The following TRMT44 variants were observed in gnomAD, a reference collection of about 807,000 sequenced individuals.
TRMT44 encodes tRNA methyltransferase 44 homolog, also known as probable tRNA (uracil-O(2)-)-methyltransferase.
Under a neutral mutation model 77.3 loss-of-function variants are expected in TRMT44, and 78 were observed. The ratio of observed to expected loss-of-function variants is 1.01; its 90% CI spans 0.84 to 1.22. TRMT44 has a LOEUF of 1.22. Among genes scored for constraint, TRMT44 ranks in the 50% most tolerant of loss-of-function variants. TRMT44 has a pLI of 0.00. For synonymous variants in TRMT44, 391 were observed against 383.3 expected (o/e 1.02, Z -0.23); for missense variants, 1,090 against 964.4 (o/e 1.13, Z -1.73).
At chr4:8,441,774 G>A (rs116394260) in intron 1 of TRMT44, among the ~76,000 whole-genome samples, 2,008 of 152,298 alleles carry the variant, frequency 0.013, 49 homozygotes, top group African/African-American at 0.046. Flanking sequence ...CTCAAAGTCC[G>A]GTGGCGACGA....
At chr4:8,488,847 C>T (rs1727902996) in intron 2 of TRMT44, among the ~76,000 whole-genome samples, 1 of 152,198 alleles carries the variant, frequency 6.6e-6, no homozygotes, top group Non-Finnish European at 1.5e-5. Flanking sequence ...GACTTAAAAG[C>T]TGCTATGAGT....
Position 8,452,097 on chromosome 4 carries a change from G to T in TRMT44, c.1023+69G>T. ...TTGCTACAGGCAGATGTTCCCTGTA[G>T]TGAAGGACATTTTCCAAATCCATAA... On this transcript the variant is annotated intron_variant, in intron 4 of 10. Transcript: ENST00000389737. The surrounding 1 kb of genome is among the most constrained non-coding windows in gnomAD (Gnocchi z 5.7). 1.5e-6 allele frequency: 2 copies of T among 1,375,298 alleles called. No homozygotes were observed. The allele number at this position is 1,375,298 out of a possible 1,614,324, so 85.2% of individuals were successfully genotyped here.
chr4:8,489,823 G>A (rs1374395787), intron 2 of TRMT44, among the ~76,000 whole-genome samples: 1 of 152,142 alleles, frequency 6.6e-6, no homozygotes, highest in Non-Finnish European at 1.5e-5. Context: ...AAACTCAACT[G>A]CTTTTGTAAA....
downstream of TRMT44, among the ~76,000 whole-genome samples, chr4:8,498,318 G>A (rs886210879): frequency 6.6e-6 from 1 of 152,152 alleles, no homozygotes; most frequent in Non-Finnish European, 1.5e-5. The surrounding 1 kb of genome is among the most constrained non-coding windows in gnomAD (Gnocchi z 4.3). Context: ...TCTTGTAGGG[G>A]TGTTCTCCTG....
intron 2 of TRMT44, among the ~76,000 whole-genome samples, chr4:8,489,944 A>T (rs1198779005): frequency 2.6e-5 from 4 of 151,912 alleles, no homozygotes; most frequent in African/African-American, 9.7e-5. Context: ...TTCCCCAATT[A>T]CTCCTGAAAA....
At position 8,446,686 on chromosome 4, in the gene TRMT44, G is replaced by A. The variant is rs1390100512; in HGVS notation, c.734+96G>A. The A allele has an allele frequency of 1.3e-6, 1 of 765,108 alleles. No individual in the cohort carries two copies. The allele number at this position is 765,108 out of a possible 1,614,324, so 47.4% of individuals were successfully genotyped here. A position where few individuals can be genotyped will look rare whatever the true frequency, so the allele number is the denominator to read the frequency against. ...CTGGGTTGCCAGGGCTTAAGGTCCT[G>A]TCTCTGAGGTGGTTATGGTTTGTAG... On this transcript the variant is annotated intron_variant, in intron 2 of 10. Coordinates refer to ENST00000389737, the MANE Select transcript of TRMT44 (RefSeq NM_152544.3). This position sits in a 1 kb window ranked among gnomAD's most constrained non-coding sequence, Gnocchi z 4.3.
chr4:8,514,415 A>T, the TRMT44 span, among the ~76,000 whole-genome samples: 4 of 151,824 alleles, frequency 2.6e-5, no homozygotes, highest in Non-Finnish European at 5.9e-5. Flanking sequence ...CTGGGATCAC[A>T]GGCGCCCGCC....
intron 1 of TRMT44, among the ~76,000 whole-genome samples, chr4:8,441,796 G>A (rs537760306): frequency 6.6e-6 from 1 of 152,314 alleles, no homozygotes; most frequent in South Asian, 2.1e-4. Flanking sequence ...GGAATGAGAC[G>A]AGACAGGTTA....
In TRMT44 at chr4:8,449,668, GGTTCATATCT is replaced by G. The variant is rs1560221580; in HGVS notation, c.738_747del (p.Ile247Ter). 18 of 1,530,660 alleles carry G rather than the reference GGTTCATATCT, an allele frequency of 1.2e-5. No individual in the cohort carries two copies. Among genetic ancestry groups the G allele is most frequent in the Admixed American group, 5.9e-5 (3 of 50,820 alleles). The allele number at this position is 1,530,660 out of a possible 1,614,324, so 94.8% of individuals were successfully genotyped here. The stretch of plus-strand genomic sequence containing the variant: ...TATTCATATTTCTCTTATTTTTAAA[GGTTCATATCT>G]GTTTTAATTTTCTGTCCAGAAAGAT... On this transcript the variant is annotated frameshift_variant and splice_region_variant, in exon 3 of 11. Transcript: ENST00000389737. LOFTEE classifies it high-confidence loss of function.
intron 2 of TRMT44, among the ~76,000 whole-genome samples, chr4:8,447,307 T>G (rs1725117439): frequency 6.6e-6 from 1 of 152,250 alleles, no homozygotes; most frequent in Non-Finnish European, 1.5e-5. Flanking sequence ...TTTGGGCCTG[T>G]ATAGAAAGTA....
chr4:8,445,926 A>C (rs764473532), intron 1 of TRMT44, among the ~76,000 whole-genome samples: 4 of 152,198 alleles, frequency 2.6e-5, no homozygotes, highest in Non-Finnish European at 5.9e-5. Flanking sequence ...ACACAAACTG[A>C]CAGAATGCTG....
chr4:8,457,013 A>ACC (rs1560227839), intron 6 of TRMT44, among the ~76,000 whole-genome samples: 2 of 37,960 alleles, frequency 5.3e-5, no homozygotes, highest in African/African-American at 3.8e-4. Context: ...ATAGCAAGAC[A>ACC]CCCGCCCCCC....
chr4:8,441,055 C>T lies in TRMT44; in HGVS notation c.233C>T (p.Ser78Phe), dbSNP rs564114043. ...CGGGGTCCGGGACCCGGCCAGGGTT[C>T]CCCCGGAGGGGGCCCGGGTCCCAGG... ...KERGPGPGQGSPGGGPGPRSL... is the reference protein window; with the variant it reads ...KERGPGPGQGFPGGGPGPRSL... The change falls in exon 1 of 11, where the codon TCC (serine) becomes TTC (phenylalanine). Residue 78 changes from serine to phenylalanine, a missense_variant. Transcript: ENST00000389737. 3.3e-4 allele frequency: 488 copies of T among 1,485,662 alleles called. 9 individuals carry two copies. The South Asian group carries it at 6.0e-3, about 18-fold the overall frequency. 92.0% of individuals were successfully genotyped at this position (1,485,662 alleles called of 1,614,324 possible). A position where few individuals can be genotyped will look rare whatever the true frequency, so the allele number is the denominator to read the frequency against.
Position 8,446,465 on chromosome 4 carries a change from T to A in TRMT44, c.620-11T>A. 1 of 1,518,138 alleles carries A rather than the reference T, an allele frequency of 6.6e-7. No individual in the cohort carries two copies. Among genetic ancestry groups the A allele is most frequent in the Non-Finnish European group, 8.8e-7 (1 of 1,131,196 alleles). The allele number at this position is 1,518,138 out of a possible 1,614,324, so 94.0% of individuals were successfully genotyped here. On this transcript the variant is annotated splice_polypyrimidine_tract_variant and intron_variant, in intron 1 of 10. Coordinates refer to ENST00000389737, the MANE Select transcript of TRMT44 (RefSeq NM_152544.3). The surrounding 1 kb of genome is among the most constrained non-coding windows in gnomAD (Gnocchi z 4.3). ...AGTTGTAATTTGTCCTTCTTCTCTT[T>A]TTCTTTCCAGATGTCCTCAATGGAA...
intron 10 of TRMT44, 43 bp downstream of exon 10, chr4:8,471,243 C>T: frequency 1.5e-6 from 2 of 1,318,356 alleles, no homozygotes; most frequent in Non-Finnish European, 2.1e-6. Flanking sequence ...CCTTCTTTTT[C>T]CCCCTTTTTT....
intron 6 of TRMT44, among the ~76,000 whole-genome samples, chr4:8,456,118 A>T (rs1725796113): frequency 6.6e-6 from 1 of 152,248 alleles, no homozygotes; most frequent in Non-Finnish European, 1.5e-5. Flanking sequence ...AAATGTAAAG[A>T]TGCAGTATTG....
rs3733531 is a variant in TRMT44 at position 8,470,350 on chromosome 4, G to A, written c.1928-734G>A. 2.0e-3 allele frequency among the ~76,000 whole-genome samples: 303 copies of A among 152,322 alleles called. 7 individuals carry two copies. The East Asian group carries it at 0.044, about 22-fold the overall frequency. ...GCTCAGCTGCATACAGACAGGCGCC[G>A]TCTCCTCCGCTCTCCTGCAGCTTGG... On this transcript the variant is annotated intron_variant, in intron 9 of 10. Transcript: ENST00000389737.
In TRMT44 at chr4:8,449,833, T is replaced by C; in HGVS notation, c.899T>C (p.Met300Thr). 6.5e-7 allele frequency: 1 copy of C among 1,535,876 alleles called. No individual in the cohort carries two copies. Among genetic ancestry groups the C allele is most frequent in the East Asian group, 2.4e-5 (1 of 40,916 alleles). Residue 300 changes from methionine (M) to threonine (T), a missense_variant, in exon 3 of 11, where the codon ATG (methionine) becomes ACG (threonine). Physicochemically the swap from Met to Thr is moderately conservative, Grantham distance 81. Transcript: ENST00000389737. ...AGCACCCTTTCCCTCATCTCCATTA[T>C]GAAGTATAGCAAGGCTTACCAGGAA... The part of the protein sequence containing the change: ...FKSTLSLISI[M>T]KYSKAYQELK...
intron 1 of TRMT44, among the ~76,000 whole-genome samples, chr4:8,442,179 A>G (rs1724775636): frequency 6.6e-6 from 1 of 152,234 alleles, no homozygotes; most frequent in African/African-American, 2.4e-5. Flanking sequence ...CATGACAATA[A>G]GAAGGCTTTC....
Sources: allele counts gnomAD v4.1 joint callset (sites outside exome capture counted in the v4.1 genomes callset), GRCh38; gene constraint gnomAD v4.1.1; non-coding constraint Gnocchi (gnomAD v3.1); transcripts MANE v1.5; gene names NCBI Gene and HGNC (gene_info 2026-07-23, HGNC 2026-07-21).